Variants in PRKCH observed in about 807,000 individuals in gnomAD.
PRKCH encodes protein kinase C eta.
A neutral mutation model predicts 82.5 loss-of-function variants in PRKCH; 28 were observed. The observed-to-expected ratio is 0.34, with a 90% CI of 0.25 to 0.47. PRKCH has a LOEUF of 0.47. PRKCH is among the 20% of genes least tolerant of loss of function. PRKCH has a pLI of 1.00. For missense variants in PRKCH, 705 were observed against 881.8 expected (o/e 0.80, Z 2.54); for synonymous variants, 322 against 327.4 (o/e 0.98, Z 0.18).
chr14:61,259,267 A>G (rs4902041), intron 1 of PRKCH, among the ~76,000 whole-genome samples: 134,066 of 152,214 alleles, frequency 0.88, 59,110 homozygotes, highest in Middle Eastern at 0.93. Context: ...GATGGTAAGT[A>G]GAGCAGAGTG....
Position 61,308,746 on chromosome 14 carries a change from A to G in PRKCH, c.-19+121078A>G, listed in dbSNP as rs541402948. On this transcript the variant is annotated intron_variant, in intron 1 of 3. Transcript: ENST00000555185. ...TGGGCTCAAGTGATCCTCCCACCTC[A>G]GCCTCCCGAGGAGCTAGGACTACAG... Among the ~76,000 whole-genome samples, 411 of 152,208 alleles carry G rather than the reference A, an allele frequency of 2.7e-3. 3 individuals are homozygous for G. Among genetic ancestry groups the G allele is most frequent in the African/African-American group, 9.6e-3 (400 of 41,524 alleles).
At chr14:61,426,074 A>G (rs986753376) in intron 2 of PRKCH, among the ~76,000 whole-genome samples, 8 of 152,154 alleles carry the variant, frequency 5.3e-5, no homozygotes, top group Non-Finnish European at 1.0e-4. Context: ...TTTATAAATT[A>G]CCCAGTCTCA....
In PRKCH at chr14:61,502,030, G is replaced by A. The variant is rs539702563; in HGVS notation, c.1433+16374G>A. Among the ~76,000 whole-genome samples, 194 of 150,286 alleles carry A rather than the reference G, an allele frequency of 1.3e-3. 4 individuals are homozygous for A. In the South Asian group the frequency reaches 0.038, roughly 30 times the overall value. ...TCTAAATCCTTAAAGAAAGGTAGTA[G>A]GTAGGCAATCTTTTCTTTTCTTTTC... is the stretch of plus-strand genomic sequence containing the variant. On this transcript the variant is annotated intron_variant, in intron 10 of 13. Coordinates refer to ENST00000332981, the MANE Select transcript of PRKCH (RefSeq NM_006255.5).
chr14:61,449,150 A>G lies in PRKCH; in HGVS notation c.614-14A>G, dbSNP rs2140284049. Reference sequence around the variant, plus strand: ...CTTCTGATAAATGTATAATTGCTGGATTTAATTTCCTAGTGTGCACCTGTG... The same window carrying G: ...CTTCTGATAAATGTATAATTGCTGGGTTTAATTTCCTAGTGTGCACCTGTG... On this transcript the variant is annotated splice_polypyrimidine_tract_variant and intron_variant, in intron 4 of 13. Transcript: ENST00000332981. 1 of 1,610,584 alleles carries G rather than the reference A, an allele frequency of 6.2e-7. No homozygotes were observed. Among genetic ancestry groups the G allele is most frequent in the Non-Finnish European group, 8.5e-7 (1 of 1,176,846 alleles).
intron 1 of PRKCH, among the ~76,000 whole-genome samples, chr14:61,363,429 T>A (rs1463960045): frequency 6.6e-6 from 1 of 152,000 alleles, no homozygotes; most frequent in African/African-American, 2.4e-5. Flanking sequence ...GAGGAGAAGA[T>A]GGGTTTGAGA....
rs2045204447 is a variant in PRKCH at position 61,276,585 on chromosome 14, A to G, written c.-19+88917A>G. On this transcript the variant is annotated intron_variant, in intron 1 of 3. Coordinates refer to the PRKCH transcript ENST00000555185. Reference sequence around the variant, plus strand: ...TGGCCAGGCTGGTCTCGAACTCCTGACCTCAAATGATCCATCCACCTCGGC... The same window carrying G: ...TGGCCAGGCTGGTCTCGAACTCCTGGCCTCAAATGATCCATCCACCTCGGC... 2.0e-5 allele frequency among the ~76,000 whole-genome samples: 3 copies of G among 151,694 alleles called. No homozygotes were observed. In the South Asian group the frequency reaches 6.3e-4, roughly 32 times the overall value.
intron 5 of PRKCH, among the ~76,000 whole-genome samples, chr14:61,449,900 C>CTCTGTGTG (rs1351833573): frequency 2.7e-5 from 1 of 36,894 alleles, no homozygotes; most frequent in African/African-American, 4.4e-5. Flanking sequence ...CTCTCTCTCT[C>CTCTGTGTG]TGTGTGTGTG....
intron 10 of PRKCH, among the ~76,000 whole-genome samples, chr14:61,528,429 A>G (rs979855947): frequency 2.0e-5 from 3 of 152,154 alleles, no homozygotes; most frequent in African/African-American, 4.8e-5. Context: ...CCTGAACTCA[A>G]GCAATCTGCC....
intron 1 of PRKCH, among the ~76,000 whole-genome samples, chr14:61,188,466 C>G (rs1197058550): frequency 7.4e-6 from 1 of 135,946 alleles, no homozygotes; most frequent in Non-Finnish European, 1.6e-5. Flanking sequence ...GGCAGCGGCT[C>G]GGGCAGGCGG....
At chr14:61,330,982 A>G (rs1225831675) in intron 1 of PRKCH, among the ~76,000 whole-genome samples, 2 of 152,160 alleles carry the variant, frequency 1.3e-5, no homozygotes, top group African/African-American at 4.8e-5. Flanking sequence ...AAAATCTCAT[A>G]ATGTTTTAAG....
intron 2 of PRKCH, among the ~76,000 whole-genome samples, chr14:61,433,914 T>C (rs575933940): frequency 6.6e-6 from 1 of 152,220 alleles, no homozygotes; most frequent in East Asian, 1.9e-4. Context: ...AAGAAACTCT[T>C]CATGATAGTT....
chr14:61,322,639 T>C, intron 1 of PRKCH, 175 bp downstream of exon 1: 1 of 858,590 alleles, frequency 1.2e-6, no homozygotes, highest in Non-Finnish European at 1.7e-6. Flanking sequence ...GGTGGGTGTG[T>C]GCAGGCGCAG....
At chr14:61,354,587 C>G (rs1307262244) in intron 1 of PRKCH, among the ~76,000 whole-genome samples, 1 of 152,134 alleles carries the variant, frequency 6.6e-6, no homozygotes, top group East Asian at 1.9e-4. Context: ...TCAGCATCTA[C>G]TGTGTACAGG....
At chr14:61,380,767 A>G (rs190467228) in intron 1 of PRKCH, among the ~76,000 whole-genome samples, 13 of 152,332 alleles carry the variant, frequency 8.5e-5, no homozygotes, top group Admixed American at 7.8e-4. Context: ...CACACAGTAG[A>G]CCATTTCTAC....
chr14:61,251,949 C>A (rs1176576778), intron 1 of PRKCH, among the ~76,000 whole-genome samples: 1 of 152,056 alleles, frequency 6.6e-6, no homozygotes, highest in Admixed American at 6.5e-5. Context: ...AAGCAATTCT[C>A]CTGCCTCAGC....
At chr14:61,286,645 G>A (rs776693735) in intron 1 of PRKCH, among the ~76,000 whole-genome samples, 20 of 151,988 alleles carry the variant, frequency 1.3e-4, no homozygotes, top group African/African-American at 1.2e-4. Flanking sequence ...GTATGGTGGC[G>A]CATGCCTGTA....
intron 1 of PRKCH, among the ~76,000 whole-genome samples, chr14:61,202,554 G>T (rs1402925297): frequency 6.6e-6 from 1 of 152,150 alleles, no homozygotes; most frequent in Admixed American, 6.5e-5. Context: ...GGAGAGCAGT[G>T]GGGGAGGGGA....
At chr14:61,299,368 G>A (rs559216834) in intron 1 of PRKCH, among the ~76,000 whole-genome samples, 2 of 152,268 alleles carry the variant, frequency 1.3e-5, no homozygotes, top group African/African-American at 2.4e-5. Context: ...GTTCCTAGAA[G>A]GTCATATATA....
intron 1 of PRKCH, among the ~76,000 whole-genome samples, chr14:61,257,489 C>A (rs907565662): frequency 2.0e-5 from 3 of 151,954 alleles, no homozygotes; most frequent in African/African-American, 7.3e-5. Context: ...AAGCAGCATA[C>A]ATAGAAAATA....
Sources: gnomAD v4.1 joint callset for allele counts (sites outside exome capture counted in the v4.1 genomes callset) on GRCh38, gnomAD v4.1.1 for gene constraint, MANE v1.5 for transcripts, NCBI Gene and HGNC (gene_info 2026-07-23, HGNC 2026-07-21) for gene names.